LTBP1: variants seen among roughly 807,000 people sequenced by gnomAD.
LTBP1 encodes the protein latent transforming growth factor beta binding protein 1.
In LTBP1, 129 loss-of-function variants were observed where a neutral mutation model predicts 207.6. That is an observed-to-expected ratio of 0.62 (90% CI 0.54 to 0.72). The LOEUF (loss-of-function observed/expected upper bound fraction) is 0.72, where lower values mean the gene tolerates loss of function less well. LTBP1 is among the 30% of genes least tolerant of loss of function. LTBP1 has a pLI of 0.00. For synonymous variants in LTBP1, 963 were observed against 833.7 expected (o/e 1.16, Z -2.67); for missense variants, 2,281 against 2,217.2 (o/e 1.03, Z -0.58).
intron 32 of LTBP1, among the ~76,000 whole-genome samples, chr2:33,395,852 C>G (rs887620123): frequency 9.9e-5 from 15 of 152,034 alleles, no homozygotes; most frequent in African/African-American, 3.4e-4. Flanking sequence ...CTGCTGCCCC[C>G]TGCAGTTCCA....
rs375378568 is a variant in LTBP1 at position 33,309,154 on chromosome 2, G to A, written c.3482-280G>A. Among the ~76,000 whole-genome samples the A allele has an allele frequency of 3.5e-4, 53 of 151,732 alleles. No homozygotes were observed. The South Asian group carries it at 8.8e-3, about 25-fold the overall frequency. On this transcript the variant is annotated intron_variant, in intron 22 of 33. Transcript: ENST00000404816. ...AAAAATTAGTTGGGCGTGGTGGTGG[G>A]CGCCTATAATCCCAACTACTCGGGA...
In LTBP1 at chr2:33,170,790, C is replaced by T. The variant is rs527437495; in HGVS notation, c.1202-16066C>T. 3.3e-5 allele frequency among the ~76,000 whole-genome samples: 5 copies of T among 152,200 alleles called. No individual in the cohort carries two copies. In the South Asian group the frequency reaches 8.3e-4, roughly 25 times the overall value. On this transcript the variant is annotated intron_variant, in intron 5 of 33. Transcript: ENST00000404816. ...AGGGGCAGACTGACACCTCACACGG[C>T]CGGGTACTCCTCTGAGACAAAACTT...
At chr2:33,010,381 G>C (rs1487092148) in intron 2 of LTBP1, among the ~76,000 whole-genome samples, 1 of 152,116 alleles carries the variant, frequency 6.6e-6, no homozygotes, top group Non-Finnish European at 1.5e-5. Flanking sequence ...TGGGTGTGTG[G>C]GGGGGATGAA....
intron 7 of LTBP1, among the ~76,000 whole-genome samples, chr2:33,195,997 T>C (rs1307270777): frequency 1.3e-5 from 2 of 152,322 alleles, no homozygotes; most frequent in East Asian, 1.9e-4. Flanking sequence ...TTTAAAGCAA[T>C]AAAGTGTTTT....
chr2:33,358,527 A>G (rs931605350), intron 26 of LTBP1, among the ~76,000 whole-genome samples: 2 of 152,018 alleles, frequency 1.3e-5, no homozygotes, highest in Admixed American at 1.3e-4. Flanking sequence ...TGTGAGTATA[A>G]TCTTCATTGA....
At chr2:33,200,688 C>G (rs2089137836) in intron 7 of LTBP1, among the ~76,000 whole-genome samples, 1 of 152,044 alleles carries the variant, frequency 6.6e-6, no homozygotes, top group Admixed American at 6.6e-5. Context: ...AGTGAACAGG[C>G]AACCTACAAA....
rs941649749 is a variant in LTBP1 at position 32,959,008 on chromosome 2, C to T, written c.565+10063C>T. ...GATTTTCCCTGTAATTTTAGATCCC[C>T]AAATACTGCTCTTGGCCAACTACAC... is the stretch of plus-strand genomic sequence containing the variant. On this transcript the variant is annotated intron_variant, in intron 2 of 33. Transcript: ENST00000404816. 3.9e-5 allele frequency among the ~76,000 whole-genome samples: 6 copies of T among 152,324 alleles called. No individual in the cohort carries two copies. The South Asian group carries it at 6.2e-4, about 16-fold the overall frequency.
At chr2:33,033,416 T>C (rs2075775130) in intron 3 of LTBP1, among the ~76,000 whole-genome samples, 1 of 152,158 alleles carries the variant, frequency 6.6e-6, no homozygotes. Flanking sequence ...CCTTCTGAAT[T>C]GCAGACAGCA....
intron 2 of LTBP1, among the ~76,000 whole-genome samples, chr2:32,994,469 C>CT (rs1045137913): frequency 0.028 from 4,077 of 143,322 alleles, 173 homozygotes; most frequent in African/African-American, 0.094. Context: ...ATTAGTGAGT[C>CT]TTTTTTTTTT....
intron 4 of LTBP1, among the ~76,000 whole-genome samples, chr2:33,124,014 A>G (rs2081298821): frequency 6.6e-6 from 1 of 152,248 alleles, no homozygotes; most frequent in African/African-American, 2.4e-5. Context: ...TAGATATTTT[A>G]AAATTGTATT....
At chr2:33,131,654 C>G (rs1353636923) in intron 4 of LTBP1, among the ~76,000 whole-genome samples, 8 of 152,182 alleles carry the variant, frequency 5.3e-5, no homozygotes, top group African/African-American at 1.9e-4. Context: ...GCTTAGAATA[C>G]AAGTGTCTGT....
intron 20 of LTBP1, among the ~76,000 whole-genome samples, chr2:33,298,545 A>C (rs766280283): frequency 1.3e-5 from 2 of 152,270 alleles, no homozygotes; most frequent in Admixed American, 6.5e-5. Flanking sequence ...CAGTTCGTGA[A>C]CTGACATCTC....
intron 4 of LTBP1, among the ~76,000 whole-genome samples, chr2:33,124,047 T>G (rs1469340751): frequency 5.9e-5 from 9 of 152,320 alleles, no homozygotes; most frequent in Non-Finnish European, 4.4e-5. Flanking sequence ...TTTAACACAA[T>G]AACATGTTTT....
At chr2:33,397,039 C>G in intron 32 of LTBP1, 94 bp from the exon 33 acceptor site, 1 of 1,132,914 alleles carries the variant, frequency 8.8e-7, no homozygotes, top group Non-Finnish European at 1.3e-6. Flanking sequence ...ATATATGTGT[C>G]TATTTGGAAA....
chr2:33,084,749 A>T (rs1172734569), intron 3 of LTBP1, among the ~76,000 whole-genome samples: 1 of 152,062 alleles, frequency 6.6e-6, no homozygotes, highest in African/African-American at 2.4e-5. Flanking sequence ...AGATTGTACC[A>T]CCTGACACCC....
chr2:33,223,646 C>T (rs1313880351), intron 9 of LTBP1, among the ~76,000 whole-genome samples: 1 of 152,106 alleles, frequency 6.6e-6, no homozygotes, highest in Non-Finnish European at 1.5e-5. Context: ...GGATAAAAGT[C>T]TATAGCCTTA....
rs569375098 is a variant in LTBP1, at chr2:32,977,917, T to C, written c.565+28972T>C. Among the ~76,000 whole-genome samples the C allele has an allele frequency of 5.8e-4, 88 of 152,340 alleles. 1 individual carries two copies. In the South Asian group the frequency reaches 8.7e-3, roughly 15 times the overall value. ...TTGCATCAATGTTTTGTAGTTTTCA[T>C]TGTAGAGATCTTTCACTGCTTGGGT... On this transcript the variant is annotated intron_variant, in intron 2 of 33. Coordinates refer to ENST00000404816, the MANE Select transcript of LTBP1 (RefSeq NM_206943.4).
chr2:33,171,918 G>C (rs2085496167), intron 5 of LTBP1, among the ~76,000 whole-genome samples: 1 of 152,150 alleles, frequency 6.6e-6, no homozygotes, highest in African/African-American at 2.4e-5. Flanking sequence ...AGCTTCGGAA[G>C]TGAAGGAGAA....
At chr2:32,963,626 A>T (rs1029685485) in intron 2 of LTBP1, among the ~76,000 whole-genome samples, 7 of 152,252 alleles carry the variant, frequency 4.6e-5, no homozygotes, top group African/African-American at 1.7e-4. Context: ...GGTCTTCCTA[A>T]TTCTGTTCTG....
Sources: allele counts gnomAD v4.1 joint callset (sites outside exome capture counted in the v4.1 genomes callset), GRCh38; gene constraint gnomAD v4.1.1; transcripts MANE v1.5; gene names NCBI Gene and HGNC (gene_info 2026-07-23, HGNC 2026-07-21).